The following MACROD2 variants were observed in gnomAD, a reference collection of about 807,000 sequenced individuals.
MACROD2 encodes ADP-ribose glycohydrolase MACROD2.
Under a neutral mutation model 70.4 loss-of-function variants are expected in MACROD2, and 36 were observed. That is an observed-to-expected ratio of 0.51 (90% CI 0.39 to 0.68). MACROD2 has a LOEUF of 0.68. Ranked by LOEUF, MACROD2 falls within the 30% of genes least tolerant of loss-of-function variation. MACROD2 has a pLI of 0.00. For missense variants in MACROD2, 496 were observed against 538.4 expected, an observed-to-expected ratio of 0.92 and a Z score of 0.78; for synonymous variants, 172 against 178.8, an observed-to-expected ratio of 0.96 and a Z score of 0.30.
chr20:16,029,446 A>G (rs1390909165), intron 15 of MACROD2, among the ~76,000 whole-genome samples: 1 of 152,204 alleles, frequency 6.6e-6, no homozygotes, highest in Admixed American at 6.5e-5. Context: ...ACATTTTAAA[A>G]CCTTACTCTC....
intron 6 of MACROD2, among the ~76,000 whole-genome samples, chr20:15,323,381 T>C (rs1217336248): frequency 6.6e-6 from 1 of 152,186 alleles, no homozygotes; most frequent in East Asian, 1.9e-4. Context: ...TCTTTATCTG[T>C]CAATGTAAAA....
At chr20:14,355,841 A>G (rs900004629) in intron 3 of MACROD2, among the ~76,000 whole-genome samples, 1 of 152,198 alleles carries the variant, frequency 6.6e-6, no homozygotes, top group Non-Finnish European at 1.5e-5. Context: ...TTTTCATTTC[A>G]GCCTTGAGAT....
rs556802977 is a variant in MACROD2 at position 15,906,252 on chromosome 20, C to T, written c.775+20441C>T. Among the ~76,000 whole-genome samples the T allele has an allele frequency of 5.1e-4, 78 of 152,326 alleles. 1 individual carries two copies. The highest frequency in any genetic ancestry group is 1.7e-3 in the African/African-American group (69 of 41,570). ...AAAACGCAGATTCCTGCACCTAGCC[C>T]AACCCTTCACCAAATCAGAAAGCTG... On this transcript the variant is annotated intron_variant, in intron 10 of 17. Transcript: ENST00000684519.
At chr20:14,511,381 C>T (rs957759163) in intron 4 of MACROD2, among the ~76,000 whole-genome samples, 1 of 151,830 alleles carries the variant, frequency 6.6e-6, no homozygotes, top group Non-Finnish European at 1.5e-5. Context: ...ATCTCATGTA[C>T]CCCATAAATA....
intron 5 of MACROD2, among the ~76,000 whole-genome samples, chr20:15,104,705 T>G (rs1439750754): frequency 6.6e-6 from 1 of 152,140 alleles, no homozygotes; most frequent in Non-Finnish European, 1.5e-5. Context: ...GGCTTTTTCT[T>G]TTCCTGCTAT....
chr20:15,396,161 C>G (rs1382499024), intron 6 of MACROD2, among the ~76,000 whole-genome samples: 1 of 152,178 alleles, frequency 6.6e-6, no homozygotes, highest in Non-Finnish European at 1.5e-5. Context: ...GCAGGGAAGT[C>G]CATGACACCA....
intron 8 of MACROD2, among the ~76,000 whole-genome samples, chr20:15,654,600 A>C (rs1295316564): frequency 6.6e-6 from 1 of 152,208 alleles, no homozygotes; most frequent in Non-Finnish European, 1.5e-5. Context: ...GCCCCCTTCA[A>C]AATGATGGGA....
intron 5 of MACROD2, among the ~76,000 whole-genome samples, chr20:15,153,521 A>C (rs1202919098): frequency 1.3e-5 from 2 of 152,198 alleles, no homozygotes; most frequent in Non-Finnish European, 2.9e-5. Flanking sequence ...AGCAGTTCCC[A>C]TGAAAATTAG....
chr20:14,477,181 C>T (rs1186358607), intron 3 of MACROD2, among the ~76,000 whole-genome samples: 4 of 152,004 alleles, frequency 2.6e-5, no homozygotes, highest in African/African-American at 9.7e-5. Context: ...AATGCACAAG[C>T]GAAGAGGGTA....
At chr20:15,027,758 C>A in intron 5 of MACROD2, among the ~76,000 whole-genome samples, 1 of 151,244 alleles carries the variant, frequency 6.6e-6, no homozygotes, top group South Asian at 2.1e-4. Context: ...TGAATGTTCT[C>A]ACCCCTAATA....
At chr20:14,066,805 ATTT>A (rs34648174) in intron 2 of MACROD2, among the ~76,000 whole-genome samples, 4 of 104,130 alleles carry the variant, frequency 3.8e-5, no homozygotes, top group Non-Finnish European at 5.6e-5. Context: ...TGTTTTAGTG[ATTT>A]TTTTTTTTTT....
chr20:15,353,796 T>G (rs2078255186), intron 6 of MACROD2, among the ~76,000 whole-genome samples: 1 of 89,068 alleles, frequency 1.1e-5, no homozygotes, highest in Admixed American at 1.3e-4. Flanking sequence ...AAAACCACAA[T>G]GAGATATCAT....
chr20:15,598,357 T>C (rs1394404650), intron 8 of MACROD2, among the ~76,000 whole-genome samples: 1 of 152,176 alleles, frequency 6.6e-6, no homozygotes, highest in Non-Finnish European at 1.5e-5. Context: ...GAAGAATGCC[T>C]TTCTCTAAAC....
chr20:14,630,449 A>G (rs192412949), intron 4 of MACROD2, among the ~76,000 whole-genome samples: 1 of 152,370 alleles, frequency 6.6e-6, no homozygotes. Context: ...TAGGCCTCAG[A>G]GACTCAAAAA....
In MACROD2 at chr20:15,573,442, A is replaced by G. The variant is rs558213155; in HGVS notation, c.645+73595A>G. Among the ~76,000 whole-genome samples the G allele has an allele frequency of 9.8e-5, 15 of 152,288 alleles. 1 individual carries two copies. The South Asian group carries it at 2.3e-3, about 23-fold the overall frequency. ...TTCTGTTAGGAATATTTCATAGGAA[A>G]ATCAGCAAAGGTTTTTCTCTAGTTT... On this transcript the variant is annotated intron_variant, in intron 8 of 17. Coordinates refer to ENST00000684519, the MANE Select transcript of MACROD2 (RefSeq NM_001351661.2).
At chr20:14,586,934 CATAAT>C (rs1568685028) in intron 4 of MACROD2, among the ~76,000 whole-genome samples, 1 of 151,822 alleles carries the variant, frequency 6.6e-6, no homozygotes, top group Non-Finnish European at 1.5e-5. Flanking sequence ...AGGATTTTGA[CATAAT>C]ATATTTTTTT....
chr20:15,270,001 G>A (rs1006041372), intron 6 of MACROD2, among the ~76,000 whole-genome samples: 4 of 152,068 alleles, frequency 2.6e-5, no homozygotes, highest in African/African-American at 9.7e-5. Flanking sequence ...AACTTTTAAG[G>A]CCCCAAGAGG....
At chr20:14,698,769 ATTAT>A (rs1285722551) in intron 5 of MACROD2, among the ~76,000 whole-genome samples, 6 of 149,388 alleles carry the variant, frequency 4.0e-5, no homozygotes, top group East Asian at 3.9e-4. Context: ...ATTAAATGTA[ATTAT>A]TTAATTAAAT....
At chr20:15,619,222 C>A (rs1021369785) in intron 8 of MACROD2, among the ~76,000 whole-genome samples, 1 of 152,170 alleles carries the variant, frequency 6.6e-6, no homozygotes, top group African/African-American at 2.4e-5. Flanking sequence ...AAAGGCATTC[C>A]AGTCCCTAAG....
Sources: gnomAD v4.1 joint callset for allele counts (sites outside exome capture counted in the v4.1 genomes callset) on GRCh38, gnomAD v4.1.1 for gene constraint, MANE v1.5 for transcripts, NCBI Gene and HGNC (gene_info 2026-07-23, HGNC 2026-07-21) for gene names.